PCDHGB1: variants seen among roughly 807,000 people sequenced by gnomAD.
PCDHGB1 encodes the protein protocadherin gamma-B1.
In PCDHGB1, 34 loss-of-function variants were observed where a neutral mutation model predicts 56.6. The observed-to-expected ratio is 0.60, with a 90% CI of 0.46 to 0.80. The LOEUF is 0.80. Ranked by LOEUF, PCDHGB1 falls within the 30% of genes least tolerant of loss-of-function variation. The pLI, the probability that PCDHGB1 is intolerant of heterozygous loss-of-function variation, is 0.00. For missense variants in PCDHGB1, 1,278 were observed against 1,204.6 expected, an observed-to-expected ratio of 1.06 and a Z score of -0.90; for synonymous variants, 561 against 505.9, an observed-to-expected ratio of 1.11 and a Z score of -1.46.
chr5:141,429,528 A>T (rs1405050386), intron 1 of PCDHGB1, among the ~76,000 whole-genome samples: 1 of 152,166 alleles, frequency 6.6e-6, no homozygotes, highest in African/African-American at 2.4e-5. Context: ...AAAAAAGCTT[A>T]AAAAAATAAG....
chr5:141,498,971 G>GGGAAGGAAGGAAGGAAGGAA (rs201769957), intron 2 of PCDHGB1, among the ~76,000 whole-genome samples: 36 of 111,052 alleles, frequency 3.2e-4, no homozygotes, highest in African/African-American at 9.0e-4. Context: ...GAGGGAGGGA[G>GGGAAGGAAGGAAGGAAGGAA]GGAAGGAAGG....
At chr5:141,409,531 T>C (rs2095279232) in intron 1 of PCDHGB1, 1 of 1,613,870 alleles carries the variant, frequency 6.2e-7, no homozygotes, top group Non-Finnish European at 8.5e-7. Context: ...TGTATGTCGC[T>C]GACATCAACG....
chr5:141,417,785 A>C (rs1273908599), intron 1 of PCDHGB1: 22 of 1,476,018 alleles, frequency 1.5e-5, no homozygotes, highest in Non-Finnish European at 1.7e-5. Context: ...TCCTGGGCCG[A>C]ATGCTCTTTT....
chr5:141,423,082 G>T (rs1390567548), intron 1 of PCDHGB1: 3 of 1,614,078 alleles, frequency 1.9e-6, no homozygotes, highest in Non-Finnish European at 2.5e-6. Context: ...GGGACTCTTC[G>T]CGGTGGGGGA....
Position 141,485,092 on chromosome 5 carries a change from G to C in PCDHGB1, c.2410-9715G>C, listed in dbSNP as rs2099606725. 3.8e-6 allele frequency: 4 copies of C among 1,065,492 alleles called. No homozygotes were observed. Among genetic ancestry groups the C allele is most frequent in the Non-Finnish European group, 5.6e-6 (4 of 708,358 alleles). The allele number at this position is 1,065,492 out of a possible 1,614,324, so 66.0% of individuals were successfully genotyped here. A position where few individuals can be genotyped will look rare whatever the true frequency, so the allele number is the denominator to read the frequency against. Reference sequence around the variant, plus strand: ...CTGGCGCGGGGAAAGGGAGATAGGTGTCTCCAGCTGCTGTGGCTGTTTGGG... The same window carrying C: ...CTGGCGCGGGGAAAGGGAGATAGGTCTCTCCAGCTGCTGTGGCTGTTTGGG... On this transcript the variant is annotated intron_variant, in intron 1 of 3. Coordinates refer to ENST00000523390, the MANE Select transcript of PCDHGB1 (RefSeq NM_018922.3). This position sits in a 1 kb window ranked among gnomAD's most constrained non-coding sequence, Gnocchi z 5.7.
At chr5:141,410,142 G>C in intron 1 of PCDHGB1, 1 of 1,612,730 alleles carries the variant, frequency 6.2e-7, no homozygotes, top group African/African-American at 1.3e-5. Context: ...GTCGCTGTGC[G>C]TGACGGTGGA....
intron 1 of PCDHGB1, chr5:141,391,220 T>C (rs1189350408): frequency 6.6e-6 from 1 of 152,208 alleles, no homozygotes; most frequent in South Asian, 2.1e-4. Context: ...GAACATTATA[T>C]GAGCCTTTTG....
intron 1 of PCDHGB1, among the ~76,000 whole-genome samples, chr5:141,456,808 C>CA (rs1316636483): frequency 6.6e-5 from 10 of 151,878 alleles, no homozygotes; most frequent in Admixed American, 6.6e-4. Flanking sequence ...ACTAAAAATA[C>CA]AAAAAATTAG....
chr5:141,368,392 C>T (rs978574831), intron 1 of PCDHGB1, among the ~76,000 whole-genome samples: 2 of 152,084 alleles, frequency 1.3e-5, no homozygotes, highest in African/African-American at 4.8e-5. Context: ...TACACACACA[C>T]AAACACACAT....
chr5:141,369,924 C>T (rs1175657292), intron 1 of PCDHGB1, among the ~76,000 whole-genome samples: 1 of 152,092 alleles, frequency 6.6e-6, no homozygotes, highest in East Asian at 1.9e-4. Context: ...AAACTAAAAA[C>T]GTGACGGGAT....
intron 1 of PCDHGB1, chr5:141,375,655 G>T: frequency 6.2e-7 from 1 of 1,614,246 alleles, no homozygotes; most frequent in Non-Finnish European, 8.5e-7. Flanking sequence ...ACTATGAGCA[G>T]TTGAGAGACC....
intron 1 of PCDHGB1, among the ~76,000 whole-genome samples, chr5:141,450,166 T>TCCCACCACACC (rs1046248061): frequency 2.0e-5 from 3 of 151,062 alleles, no homozygotes; most frequent in African/African-American, 7.3e-5. Flanking sequence ...GCCACCACAC[T>TCCCACCACACC]CCCACCACAC....
At chr5:141,360,679 G>T in intron 1 of PCDHGB1, 1 of 1,613,988 alleles carries the variant, frequency 6.2e-7, no homozygotes, top group Non-Finnish European at 8.5e-7. Context: ...TGATCTCGCT[G>T]AGAAACAGAC....
chr5:141,356,291 C>T, intron 1 of PCDHGB1: 1 of 1,555,506 alleles, frequency 6.4e-7, no homozygotes, highest in South Asian at 1.2e-5. Flanking sequence ...TCCCCGGGTA[C>T]AGTAATTGCA....
chr5:141,484,958 G>C (rs2099604320), intron 1 of PCDHGB1: 1 of 575,756 alleles, frequency 1.7e-6, no homozygotes, highest in Non-Finnish European at 3.1e-6. Flanking sequence ...TATTGGCTGA[G>C]CCCGGGAGCC....
intron 2 of PCDHGB1, among the ~76,000 whole-genome samples, chr5:141,503,855 TA>T (rs2099832899): frequency 1.3e-5 from 2 of 152,136 alleles, no homozygotes; most frequent in Non-Finnish European, 2.9e-5. Context: ...GGAAAAATTG[TA>T]AAGCAGTTCT....
chr5:141,361,214 C>G, intron 1 of PCDHGB1: 1 of 1,613,912 alleles, frequency 6.2e-7, no homozygotes, highest in Non-Finnish European at 8.5e-7. Context: ...CCGGAGGATT[C>G]GCCACCAGGA....
intron 3 of PCDHGB1, among the ~76,000 whole-genome samples, chr5:141,508,742 C>A (rs955179947): frequency 2.0e-5 from 3 of 151,998 alleles, no homozygotes; most frequent in Admixed American, 6.6e-5. Context: ...CCCCCCACCC[C>A]GCTCTTTCTC....
In PCDHGB1 at chr5:141,511,296, A is replaced by C; in HGVS notation, c.*123A>C. 1 of 1,505,968 alleles carries C rather than the reference A, an allele frequency of 6.6e-7. No individual in the cohort carries two copies. The allele number at this position is 1,505,968 out of a possible 1,614,324, so 93.3% of individuals were successfully genotyped here. On this transcript the variant is annotated 3_prime_UTR_variant, in exon 4 of 4. Coordinates refer to ENST00000523390, the MANE Select transcript of PCDHGB1 (RefSeq NM_018922.3). ...CAGAATACTGGTAGGGGCCAAGGCCATGCTCCCCTTGGGAAACAGAAACAA... is the reference window on the plus strand; with the variant it reads ...CAGAATACTGGTAGGGGCCAAGGCCCTGCTCCCCTTGGGAAACAGAAACAA...
Sources: allele counts gnomAD v4.1 joint callset (sites outside exome capture counted in the v4.1 genomes callset), GRCh38; gene constraint gnomAD v4.1.1; non-coding constraint Gnocchi (gnomAD v3.1); transcripts MANE v1.5; gene names NCBI Gene and HGNC (gene_info 2026-07-23, HGNC 2026-07-21).